NFASC: variants seen among roughly 807,000 people sequenced by gnomAD.
NFASC encodes neurofascin homolog.
In NFASC, 43 loss-of-function variants were observed where a neutral mutation model predicts 147.5. The ratio of observed to expected loss-of-function variants is 0.29; its 90% CI spans 0.23 to 0.38. The LOEUF (loss-of-function observed/expected upper bound fraction) is 0.38. Ranked by LOEUF, NFASC falls within the 10% of genes least tolerant of loss-of-function variation. NFASC has a pLI of 1.00. For synonymous variants in NFASC, 622 were observed against 665.5 expected (o/e 0.93, Z 1.01); for missense variants, 1,320 against 1,689.0 (o/e 0.78, Z 3.83).
chr1:204,991,928 C>T (rs892317946), intron 24 of NFASC, among the ~76,000 whole-genome samples: 2 of 152,206 alleles, frequency 1.3e-5, no homozygotes, highest in Admixed American at 1.3e-4. Context: ...TCTCCTCACC[C>T]TTCAGAAACC....
At chr1:204,928,836 GGGCTCTGGTCCTGCTGGTGGCTTAT>G (rs1173094225) in intron 2 of NFASC, among the ~76,000 whole-genome samples, 1 of 152,066 alleles carries the variant, frequency 6.6e-6, no homozygotes, top group Non-Finnish European at 1.5e-5. Flanking sequence ...GCTTTTTGTG[GGGCTCTGGTCCTGCTGGTGGCTTAT>G]GAATAACATG....
At chr1:204,847,249 A>G (rs193263498) in intron 1 of NFASC, among the ~76,000 whole-genome samples, 42 of 152,330 alleles carry the variant, frequency 2.8e-4, no homozygotes, top group Admixed American at 2.6e-3. Context: ...GGCAGCTACC[A>G]GATATTCAAA....
At chr1:204,873,165 CA>C (rs60072975) in intron 1 of NFASC, among the ~76,000 whole-genome samples, 1 of 71,572 alleles carries the variant, frequency 1.4e-5, no homozygotes, top group African/African-American at 7.7e-4. Context: ...AGGCACCTTG[CA>C]TTTGAAAGGC....
chr1:205,004,700 T>C (rs990678948), intron 27 of NFASC, among the ~76,000 whole-genome samples: 3 of 152,242 alleles, frequency 2.0e-5, no homozygotes, highest in African/African-American at 7.2e-5. Context: ...CAGATCTCTG[T>C]GTTTCATTAA....
intron 1 of NFASC, among the ~76,000 whole-genome samples, chr1:204,913,108 A>G (rs539322505): frequency 5.3e-5 from 8 of 152,006 alleles, no homozygotes; most frequent in Admixed American, 5.3e-4. Context: ...ATAATTATTT[A>G]AAATAGCTTA....
intron 1 of NFASC, among the ~76,000 whole-genome samples, chr1:204,878,867 T>A (rs2079550299): frequency 6.6e-6 from 1 of 152,206 alleles, no homozygotes; most frequent in South Asian, 2.1e-4. Context: ...ATTCATCTGG[T>A]TACTGAACAC....
At chr1:204,946,750 A>G (rs766467605) in intron 3 of NFASC, 26 of 518,912 alleles carry the variant, frequency 5.0e-5, no homozygotes, top group African/African-American at 4.8e-4. Flanking sequence ...CTTCCTCTGC[A>G]AGTGGATGAA....
At chr1:204,933,307 G>A (rs1204014271) in intron 2 of NFASC, among the ~76,000 whole-genome samples, 1 of 152,184 alleles carries the variant, frequency 6.6e-6, no homozygotes, top group African/African-American at 2.4e-5. Context: ...CGGGGGAGAT[G>A]GAGAATAAGC....
chr1:204,985,828 A>C, intron 21 of NFASC: 1 of 861,088 alleles, frequency 1.2e-6, no homozygotes, highest in Non-Finnish European at 1.9e-6. Flanking sequence ...AAGCAAAGGA[A>C]AGACCGGTCA....
intron 1 of NFASC, among the ~76,000 whole-genome samples, chr1:204,877,789 C>T (rs1281753745): frequency 3.9e-5 from 6 of 152,146 alleles, no homozygotes; most frequent in Non-Finnish European, 7.3e-5. Flanking sequence ...AATATCTATT[C>T]GGGTCATTAT....
intron 11 of NFASC, among the ~76,000 whole-genome samples, chr1:204,972,347 C>T (rs149051355): frequency 3.3e-5 from 5 of 152,328 alleles, no homozygotes; most frequent in East Asian, 1.9e-4. Context: ...CAATTCTTTA[C>T]ATTTCTAGAA....
At chr1:204,982,227 T>C (rs1357622725) in intron 21 of NFASC, among the ~76,000 whole-genome samples, 1 of 152,194 alleles carries the variant, frequency 6.6e-6, no homozygotes, top group East Asian at 1.9e-4. Flanking sequence ...AATTACTGAA[T>C]GTCATCACCC....
intron 1 of NFASC, among the ~76,000 whole-genome samples, chr1:204,890,243 T>C (rs1024410376): frequency 6.6e-6 from 1 of 152,184 alleles, no homozygotes; most frequent in African/African-American, 2.4e-5. Context: ...TCACGCAGGT[T>C]GTGTTGGCTG....
intron 14 of NFASC, 137 bp downstream of exon 14, chr1:204,974,960 G>A (rs1025950850): frequency 3.3e-6 from 3 of 901,216 alleles, no homozygotes; most frequent in Non-Finnish European, 3.4e-6. Flanking sequence ...GTTTGCACCT[G>A]TGGAGTCCTT....
At chr1:204,853,237 A>G (rs756158965) in intron 1 of NFASC, among the ~76,000 whole-genome samples, 1 of 152,252 alleles carries the variant, frequency 6.6e-6, no homozygotes, top group Non-Finnish European at 1.5e-5. Context: ...CCATATTAGA[A>G]GTGGCTAGCC....
At chr1:204,984,347 ATATATATATATGTGTGTGTGTG>A in intron 21 of NFASC, 1 of 198,868 alleles carries the variant, frequency 5.0e-6, no homozygotes, top group Non-Finnish European at 9.6e-6. Context: ...GTGTGTGTGT[ATATATATATATGTGTGTGTGTG>A]TATATATATA....
chr1:204,989,693 A>G (rs1269299287), intron 23 of NFASC: 2 of 152,258 alleles, frequency 1.3e-5, no homozygotes, highest in Non-Finnish European at 2.9e-5. Context: ...AGACACTGCC[A>G]CACACAAGGG....
At chr1:204,924,040 A>G (rs992236423) in intron 2 of NFASC, among the ~76,000 whole-genome samples, 1 of 152,200 alleles carries the variant, frequency 6.6e-6, no homozygotes, top group Non-Finnish European at 1.5e-5. Flanking sequence ...GGTTTCCTCC[A>G]CACCACTGGA....
chr1:204,892,071 G>T (rs1004652873), intron 1 of NFASC, among the ~76,000 whole-genome samples: 1 of 152,176 alleles, frequency 6.6e-6, no homozygotes, highest in Non-Finnish European at 1.5e-5. Flanking sequence ...AAGTAAATGA[G>T]TAAGCCCCAT....
Sources: gnomAD v4.1 joint callset for allele counts (sites outside exome capture counted in the v4.1 genomes callset) on GRCh38, gnomAD v4.1.1 for gene constraint, MANE v1.5 for transcripts, NCBI Gene and HGNC (gene_info 2026-07-23, HGNC 2026-07-21) for gene names.